SNTG1: variants seen among roughly 807,000 people sequenced by gnomAD.
SNTG1 encodes syntrophin gamma 1.
In SNTG1, 39 loss-of-function variants were observed where a neutral mutation model predicts 74.7. The ratio of observed to expected loss-of-function variants is 0.52; its 90% CI spans 0.40 to 0.68. The LOEUF (loss-of-function observed/expected upper bound fraction) is 0.68, where lower values mean the gene tolerates loss of function less well. SNTG1 is among the 30% of genes least tolerant of loss of function. SNTG1 has a pLI of 0.00. For missense variants in SNTG1, 685 were observed against 609.5 expected (o/e 1.12, Z -1.30); for synonymous variants, 254 against 217.1 (o/e 1.17, Z -1.49).
At chr8:50,293,244 G>C (rs139195010) in intron 2 of SNTG1, among the ~76,000 whole-genome samples, 1 of 152,194 alleles carries the variant, frequency 6.6e-6, no homozygotes, top group East Asian at 1.9e-4. Context: ...CAAGACCAAA[G>C]TGTTGGCAGG....
chr8:50,450,271 T>C (rs1382459236), intron 6 of SNTG1, among the ~76,000 whole-genome samples: 1 of 152,202 alleles, frequency 6.6e-6, no homozygotes, highest in Non-Finnish European at 1.5e-5. Context: ...TAATCTTAAG[T>C]GCGTGAGAAA....
At chr8:50,642,145 A>T (rs1273304706) in intron 13 of SNTG1, among the ~76,000 whole-genome samples, 1 of 152,138 alleles carries the variant, frequency 6.6e-6, no homozygotes. Context: ...GATTGCAAAG[A>T]TCGAAAACTT....
At chr8:50,330,984 G>T (rs2090941705) in intron 2 of SNTG1, among the ~76,000 whole-genome samples, 1 of 152,130 alleles carries the variant, frequency 6.6e-6, no homozygotes, top group South Asian at 2.1e-4. Context: ...TGATTTCTGA[G>T]GAGAAACAGG....
At position 49,987,163 on chromosome 8, in the gene SNTG1, G is replaced by T. The variant is rs570285211; in HGVS notation, c.-103+74932G>T. On this transcript the variant is annotated intron_variant, in intron 1 of 18. Coordinates refer to ENST00000642720, the MANE Select transcript of SNTG1 (RefSeq NM_018967.5). ...GAAGTGTCATACTGGACCCCAGGAG[G>T]GGGGAGTCATATCTAAGCAGATGGT... 1.1e-4 allele frequency among the ~76,000 whole-genome samples: 16 copies of T among 152,294 alleles called. No individual in the cohort carries two copies. The East Asian group carries it at 2.3e-3, about 22-fold the overall frequency.
At chr8:50,699,755 A>C (rs1483812359) in intron 15 of SNTG1, among the ~76,000 whole-genome samples, 1 of 152,230 alleles carries the variant, frequency 6.6e-6, no homozygotes, top group African/African-American at 2.4e-5. Flanking sequence ...ACTATGACAA[A>C]AGAGAAATGC....
intron 13 of SNTG1, among the ~76,000 whole-genome samples, chr8:50,654,650 A>G (rs148892922): frequency 6.6e-6 from 1 of 152,270 alleles, no homozygotes; most frequent in East Asian, 1.9e-4. Context: ...TTCTCTTCCA[A>G]GAAACAAGTC....
chr8:50,370,621 G>A (rs1473138217), intron 2 of SNTG1, among the ~76,000 whole-genome samples: 1 of 152,038 alleles, frequency 6.6e-6, no homozygotes, highest in Non-Finnish European at 1.5e-5. Context: ...TACATTGCCT[G>A]AAAAACCTAT....
At chr8:49,992,951 A>G (rs764303174) in intron 1 of SNTG1, among the ~76,000 whole-genome samples, 9 of 152,216 alleles carry the variant, frequency 5.9e-5, no homozygotes, top group Non-Finnish European at 1.3e-4. Flanking sequence ...GATTAAATAC[A>G]TATAGATAGA....
At chr8:50,589,040 T>A (rs564221428) in intron 12 of SNTG1, among the ~76,000 whole-genome samples, 47 of 152,242 alleles carry the variant, frequency 3.1e-4, no homozygotes, top group Middle Eastern at 3.4e-3. Flanking sequence ...TAATTTCTGA[T>A]ACAGATATTC....
At chr8:50,226,202 T>A (rs927067591) in intron 2 of SNTG1, among the ~76,000 whole-genome samples, 1 of 152,180 alleles carries the variant, frequency 6.6e-6, no homozygotes, top group African/African-American at 2.4e-5. Context: ...AATTCCTATC[T>A]AAGGGGTCTG....
chr8:50,021,945 A>T lies in SNTG1; in HGVS notation c.-103+109714A>T, dbSNP rs537928249. Among the ~76,000 whole-genome samples the T allele has an allele frequency of 1.7e-3, 246 of 146,494 alleles. 5 individuals carry two copies. Among genetic ancestry groups the T allele is most frequent in the African/African-American group, 5.9e-3 (235 of 39,970 alleles). On this transcript the variant is annotated intron_variant, in intron 1 of 18. Coordinates refer to ENST00000642720, the MANE Select transcript of SNTG1 (RefSeq NM_018967.5). The stretch of plus-strand genomic sequence containing the variant: ...GACACAGTGAGACCCTCTCAAAAAA[A>T]AAATAAAAATAAAAATAAAAATAAA...
chr8:50,449,468 T>G (rs2093435576), intron 5 of SNTG1, among the ~76,000 whole-genome samples, 200 bp from the exon 6 acceptor site: 2 of 152,224 alleles, frequency 1.3e-5, no homozygotes, highest in African/African-American at 4.8e-5. Context: ...CAATTGTTAT[T>G]ATTGGATGTC....
At chr8:50,259,434 G>A (rs1308844710) in intron 2 of SNTG1, among the ~76,000 whole-genome samples, 2 of 151,270 alleles carry the variant, frequency 1.3e-5, no homozygotes, top group African/African-American at 4.9e-5. Flanking sequence ...GGGAGGTGGA[G>A]GTGGCAGGGA....
intron 9 of SNTG1, among the ~76,000 whole-genome samples, chr8:50,504,699 T>C (rs1250558398): frequency 1.3e-5 from 2 of 151,770 alleles, no homozygotes; most frequent in East Asian, 3.9e-4. Context: ...TACTTGGGAG[T>C]CTGAGGTGAG....
intron 1 of SNTG1, among the ~76,000 whole-genome samples, chr8:50,019,512 G>GTATC (rs966596809): frequency 2.0e-5 from 3 of 151,950 alleles, no homozygotes; most frequent in African/African-American, 7.2e-5. Context: ...CTTGCTTTCT[G>GTATC]TATCTATCTA....
intron 1 of SNTG1, among the ~76,000 whole-genome samples, chr8:49,922,608 C>T (rs1241247630): frequency 6.6e-6 from 1 of 151,932 alleles, no homozygotes; most frequent in Non-Finnish European, 1.5e-5. Flanking sequence ...TGATCCCTAC[C>T]CTTAAAAGCT....
At chr8:50,370,447 C>A (rs1053426000) in intron 2 of SNTG1, among the ~76,000 whole-genome samples, 5 of 152,078 alleles carry the variant, frequency 3.3e-5, no homozygotes, top group African/African-American at 1.2e-4. Context: ...CACAATGAGC[C>A]AGTAAATTGG....
chr8:49,974,368 A>T, intron 1 of SNTG1, among the ~76,000 whole-genome samples: 1 of 152,164 alleles, frequency 6.6e-6, no homozygotes, highest in East Asian at 1.9e-4. Context: ...GGACTTCTCA[A>T]ATATTCCATG....
chr8:50,117,564 T>C (rs1010992626), intron 1 of SNTG1, among the ~76,000 whole-genome samples: 2 of 152,190 alleles, frequency 1.3e-5, no homozygotes, highest in Non-Finnish European at 2.9e-5. Flanking sequence ...AGGTAGGGCA[T>C]GGCACCAGTC....
Sources: allele counts gnomAD v4.1 joint callset (sites outside exome capture counted in the v4.1 genomes callset), GRCh38; gene constraint gnomAD v4.1.1; transcripts MANE v1.5; gene names NCBI Gene and HGNC (gene_info 2026-07-23, HGNC 2026-07-21).